Variants in LILRA1 observed in about 807,000 individuals in gnomAD.
The protein encoded by LILRA1 is leukocyte immunoglobulin-like receptor subfamily A member 1.
A neutral mutation model predicts 51.6 loss-of-function variants in LILRA1; 51 were observed. That is an observed-to-expected ratio of 0.99 (90% CI 0.79 to 1.25). The LOEUF (loss-of-function observed/expected upper bound fraction) is 1.25, where lower values mean the gene tolerates loss of function less well. Ranked by LOEUF, LILRA1 falls within the 50% of genes most tolerant of loss-of-function variation. The pLI is 0.00. For synonymous variants in LILRA1, 305 were observed against 248.4 expected (o/e 1.23, Z -2.14); for missense variants, 660 against 611.7 (o/e 1.08, Z -0.83).
At position 54,596,225 on chromosome 19, in the gene LILRA1, C is replaced by T. The variant is rs753051431; in HGVS notation, c.995C>T (p.Pro332Leu). The T allele has an allele frequency of 3.3e-5, 53 of 1,613,950 alleles. No individual in the cohort carries two copies. The highest frequency in any genetic ancestry group is 3.7e-5 in the Non-Finnish European group (44 of 1,180,004). ...GGCAGACCCTTCATCTCGGTGCATC[C>T]GGGCCCCACGGTGGCCTCAGGAGAG... ...FRGRPFISVHPGPTVASGENV... is the reference protein window; with the variant it reads ...FRGRPFISVHLGPTVASGENV... Residue 332 changes from proline to leucine, a missense_variant, in exon 7 of 10, where the codon CCG (proline) becomes CTG (leucine). Physicochemically the swap from Pro to Leu is moderately conservative, Grantham distance 98 (BLOSUM62 -3). Transcript: ENST00000251372.
chr19:54,596,459 A>G lies in LILRA1; in HGVS notation c.1229A>G (p.His410Arg). Reference sequence around the variant, plus strand: ...AGCTCCAACCCCTACCTGCTGTCTCACCCCAGTGACTCCCTGGAGCTCATG... The same window carrying G: ...AGCTCCAACCCCTACCTGCTGTCTCGCCCCAGTGACTCCCTGGAGCTCATG... ...SLSSNPYLLS[H>R]PSDSLELMVS... The change falls in exon 7 of 10, where the codon CAC becomes CGC. Residue 410 changes from histidine to arginine, a missense_variant. Coordinates refer to ENST00000251372, the MANE Select transcript of LILRA1 (RefSeq NM_006863.4). The G allele has an allele frequency of 6.2e-7, 1 of 1,613,714 alleles. No homozygotes were observed. The highest frequency in any genetic ancestry group is 8.5e-7 in the Non-Finnish European group (1 of 1,179,928).
At chr19:54,595,998 C>T in intron 6 of LILRA1, 63 bp downstream of exon 6, 1 of 1,569,130 alleles carries the variant, frequency 6.4e-7, no homozygotes, top group African/African-American at 1.4e-5. Context: ...CAGGGGAGCC[C>T]AGGTGGTGAT....
In LILRA1 at chr19:54,601,038, C is replaced by T. The variant is rs2063153890; in HGVS notation, c.*221C>T. 1.6e-6 allele frequency: 1 copy of T among 608,712 alleles called. No individual in the cohort carries two copies. The highest frequency in any genetic ancestry group is 2.9e-6 in the Non-Finnish European group (1 of 343,762). 37.7% of individuals were successfully genotyped at this position (608,712 alleles called of 1,614,324 possible). Reference sequence around the variant, plus strand: ...GGACCATTAACCTGTGATACCTTTCCTCTCTATTAATGTTGACTTCCCTTG... The same window carrying T: ...GGACCATTAACCTGTGATACCTTTCTTCTCTATTAATGTTGACTTCCCTTG... On this transcript the variant is annotated 3_prime_UTR_variant, in exon 10 of 10. Coordinates refer to ENST00000251372, the MANE Select transcript of LILRA1 (RefSeq NM_006863.4).
Position 54,594,277 on chromosome 19 carries a change from C to G in LILRA1, c.33C>G (p.Leu11=). 1 of 1,612,286 alleles carries G rather than the reference C, an allele frequency of 6.2e-7. No individual in the cohort carries two copies. The highest frequency in any genetic ancestry group is 1.3e-5 in the African/African-American group (1 of 74,536). ...CCATCGTCACAGTCCTGATCTGTCT[C>G]AGTGAGATTTGAAGAGGGAGGGGAG... The part of the protein sequence containing the change: MTPIVTVLIC[L]RLSLGPRTHV... Residue 11 remains leucine (L), a splice_region_variant and synonymous_variant, in exon 2 of 10, where the codon CTC becomes CTG. Coordinates refer to ENST00000251372, the MANE Select transcript of LILRA1 (RefSeq NM_006863.4).
rs780873847 is a variant in LILRA1, at chr19:54,600,591, G to A, written c.1351+41G>A. 6.2e-6 allele frequency: 10 copies of A among 1,613,566 alleles called. No homozygotes were observed. In the African/African-American group the frequency reaches 1.2e-4, roughly 19 times the overall value. ...CTCTCGTTTACGGTGCTGGGCACAAGGGTTGGGTCCTGTCAAGGGTAAGGA... is the reference window on the plus strand; with the variant it reads ...CTCTCGTTTACGGTGCTGGGCACAAAGGTTGGGTCCTGTCAAGGGTAAGGA... On this transcript the variant is annotated intron_variant, in intron 9 of 9. Coordinates refer to ENST00000251372, the MANE Select transcript of LILRA1 (RefSeq NM_006863.4).
At position 54,595,110 on chromosome 19, in the gene LILRA1, C is replaced by A. The variant is rs551569504; in HGVS notation, c.369C>A (p.Ile123=). The change falls in exon 5 of 10, where the codon ATC becomes ATA. Residue 123 remains isoleucine, a synonymous_variant. Coordinates refer to ENST00000251372, the MANE Select transcript of LILRA1 (RefSeq NM_006863.4). ...PLELVVTGAY[I]KPTLSALPSP... is the part of the protein sequence containing the mutation. ...CTCCTTCTCTCCTAGGAGCCTACAT[C>A]AAACCCACCCTCTCAGCTCTACCCA... The A allele has an allele frequency of 3.1e-6, 5 of 1,613,440 alleles. No homozygotes were observed. The highest frequency in any genetic ancestry group is 4.2e-6 in the Non-Finnish European group (5 of 1,179,548).
Position 54,600,821 on chromosome 19 carries a change from G to A in LILRA1, c.*4G>A, listed in dbSNP as rs982962174. On this transcript the variant is annotated 3_prime_UTR_variant, in exon 10 of 10. Transcript: ENST00000251372. Reference sequence around the variant, plus strand: ...GCACAGCCAGAGAAGCCTCTGAGATGCAGCCGGGAGGTGAACAGCAGAGAG... The same window carrying A: ...GCACAGCCAGAGAAGCCTCTGAGATACAGCCGGGAGGTGAACAGCAGAGAG... 16 of 1,613,870 alleles carry A rather than the reference G, an allele frequency of 9.9e-6. No homozygotes were observed. In the African/African-American group the frequency reaches 1.5e-4, roughly 15 times the overall value.
At position 54,596,748 on chromosome 19, in the gene LILRA1, T is replaced by C. The variant is rs539992182; in HGVS notation, c.1261+257T>C. ...CAAGCGTGGTGGCAGGTGTCTGTAG[T>C]CCCAGGTACTCGGGAGGCTGAGGCA... On this transcript the variant is annotated intron_variant, in intron 7 of 9. Transcript: ENST00000251372. Among the ~76,000 whole-genome samples, 8 of 152,074 alleles carry C rather than the reference T, an allele frequency of 5.3e-5. 1 individual carries two copies. The South Asian group carries it at 1.7e-3, about 32-fold the overall frequency.
At position 54,594,251 on chromosome 19, in the gene LILRA1, C is replaced by G; in HGVS notation, c.7C>G (p.Pro3Ala). The part of the protein sequence containing the change: MT[P>A]IVTVLICLRL... ...GGCAGTGGGAGGAGACGCTATGACC[C>G]CCATCGTCACAGTCCTGATCTGTCT... The change falls in exon 2 of 10, where the codon CCC becomes GCC. Residue 3 changes from proline (P) to alanine (A), a missense_variant. Coordinates refer to ENST00000251372, the MANE Select transcript of LILRA1 (RefSeq NM_006863.4). 6.2e-7 allele frequency: 1 copy of G among 1,612,360 alleles called. No individual in the cohort carries two copies. The highest frequency in any genetic ancestry group is 8.5e-7 in the Non-Finnish European group (1 of 1,179,240).
Position 54,595,898 on chromosome 19 carries a change from G to C in LILRA1, c.921G>C (p.Trp307Cys), listed in dbSNP as rs147896986. Residue 307 changes from tryptophan to cysteine, a missense_variant, in exon 6 of 10, where the codon TGG becomes TGC. By Grantham distance (215) the Trp-to-Cys change is radical. Transcript: ENST00000251372. ...GTGCATACAACCTCTCCTCCGAGTG[G>C]TCGGCCCCCAGCGACCCCCTGGACA... ...CSGAYNLSSEWSAPSDPLDIL... is the reference protein window; with the variant it reads ...CSGAYNLSSECSAPSDPLDIL... The C allele has an allele frequency of 3.7e-6, 6 of 1,613,370 alleles. No individual in the cohort carries two copies. Among genetic ancestry groups the C allele is most frequent in the Non-Finnish European group, 5.1e-6 (6 of 1,179,960 alleles).
chr19:54,599,510 T>C, intron 8 of LILRA1: 2 of 1,204,406 alleles, frequency 1.7e-6, no homozygotes, highest in East Asian at 1.1e-4. Context: ...AGTATATTCA[T>C]TGTATTTCAT....
chr19:54,598,164 G>A (rs1001087448), intron 7 of LILRA1, among the ~76,000 whole-genome samples: 1 of 151,924 alleles, frequency 6.6e-6, no homozygotes, highest in Non-Finnish European at 1.5e-5. Flanking sequence ...CTGTACGTAT[G>A]CTTTCTATAT....
At chr19:54,596,162 C>A in intron 6 of LILRA1, 27 bp from the exon 7 acceptor site, 1 of 1,605,060 alleles carries the variant, frequency 6.2e-7, no homozygotes, top group Non-Finnish European at 8.5e-7. Flanking sequence ...GGTGGGGCAG[C>A]CTCTCACCCA....
rs1279845473 is a variant in LILRA1 at position 54,599,587 on chromosome 19, C to G, written c.1312+301C>G. ...ATGGATCTCCTCTAATTTACTAATA[C>G]AATTTGTATAAACCGTAAGACAATG... is the stretch of plus-strand genomic sequence containing the variant. On this transcript the variant is annotated intron_variant, in intron 8 of 9. Coordinates refer to ENST00000251372, the MANE Select transcript of LILRA1 (RefSeq NM_006863.4). 5 of 1,112,406 alleles carry G rather than the reference C, an allele frequency of 4.5e-6. No individual in the cohort carries two copies. In the African/African-American group the frequency reaches 8.4e-5, roughly 19 times the overall value. The allele number at this position is 1,112,406 out of a possible 1,614,324, so 68.9% of individuals were successfully genotyped here.
At chr19:54,598,544 A>T (rs1408145099) in intron 7 of LILRA1, among the ~76,000 whole-genome samples, 1 of 152,190 alleles carries the variant, frequency 6.6e-6, no homozygotes, top group Non-Finnish European at 1.5e-5. Context: ...AACCTTGTCC[A>T]ATCACTGGAT....
At chr19:54,599,474 C>T (rs1156405326) in intron 8 of LILRA1, 188 bp downstream of exon 8, 2 of 1,250,950 alleles carry the variant, frequency 1.6e-6, no homozygotes, top group Non-Finnish European at 1.0e-6. Context: ...TAAGAGATAA[C>T]TATCCATGAG....
In LILRA1 at chr19:54,594,004, T is replaced by C. The variant is rs548056291; in HGVS notation, c.-48-193T>C. 1.9e-3 allele frequency among the ~76,000 whole-genome samples: 287 copies of C among 151,832 alleles called. 1 individual carries two copies. Among genetic ancestry groups the C allele is most frequent in the African/African-American group, 6.7e-3 (275 of 41,258 alleles). On this transcript the variant is annotated intron_variant, in intron 1 of 9. Coordinates refer to ENST00000251372, the MANE Select transcript of LILRA1 (RefSeq NM_006863.4). ...GGAAAGACCCCATTACAGTCTGAAA[T>C]GTCTGCAGAGGGCCTGGTTCCTGCC...
chr19:54,600,811 C>G lies in LILRA1; in HGVS notation c.1464C>G (p.Ser488Arg), dbSNP rs753235544. The part of the protein sequence containing the change: ...LLFEAQHSQR[S>R]L ...TTGAGGCTCAGCACAGCCAGAGAAGCCTCTGAGATGCAGCCGGGAGGTGAA... is the reference window on the plus strand; with the variant it reads ...TTGAGGCTCAGCACAGCCAGAGAAGGCTCTGAGATGCAGCCGGGAGGTGAA... Residue 488 changes from serine to arginine, a missense_variant, in exon 10 of 10, where the codon AGC becomes AGG. Physicochemically the swap from Ser to Arg is moderately radical, Grantham distance 110. Transcript: ENST00000251372. 1.9e-6 allele frequency: 3 copies of G among 1,614,106 alleles called. No individual in the cohort carries two copies. Among genetic ancestry groups the G allele is most frequent in the Non-Finnish European group, 2.5e-6 (3 of 1,179,986 alleles).
Position 54,594,182 on chromosome 19 carries a change from T to A in LILRA1, c.-48-15T>A. On this transcript the variant is annotated splice_polypyrimidine_tract_variant and intron_variant, in intron 1 of 9. Coordinates refer to ENST00000251372, the MANE Select transcript of LILRA1 (RefSeq NM_006863.4). ...AGGGGAGGCTATTTCTCTCTGTGTGTCTCTGTCCTGCCAGCACCGAGGGCT... is the reference window on the plus strand; with the variant it reads ...AGGGGAGGCTATTTCTCTCTGTGTGACTCTGTCCTGCCAGCACCGAGGGCT... 10 of 1,591,792 alleles carry A rather than the reference T, an allele frequency of 6.3e-6. No homozygotes were observed. Among genetic ancestry groups the A allele is most frequent in the Non-Finnish European group, 6.9e-6 (8 of 1,162,552 alleles).
Sources: allele counts gnomAD v4.1 joint callset (sites outside exome capture counted in the v4.1 genomes callset), GRCh38; gene constraint gnomAD v4.1.1; transcripts MANE v1.5; gene names NCBI Gene and HGNC (gene_info 2026-07-23, HGNC 2026-07-21).